Variants in ADAMTSL1 observed in about 807,000 individuals in gnomAD.
ADAMTSL1 encodes ADAMTS like 1.
A neutral mutation model predicts 201.8 loss-of-function variants in ADAMTSL1; 126 were observed. That is an observed-to-expected ratio of 0.62 (90% CI 0.54 to 0.72). ADAMTSL1 has a LOEUF of 0.72. ADAMTSL1 is among the 30% of genes least tolerant of loss of function. The pLI, the probability that ADAMTSL1 is intolerant of heterozygous loss-of-function variation, is 0.00. For missense variants in ADAMTSL1, 2,679 were observed against 2,277.8 expected (o/e 1.18, Z -3.59); for synonymous variants, 1,121 against 903.4 (o/e 1.24, Z -4.32).
At chr9:18,542,574 A>C (rs1347710748) in intron 3 of ADAMTSL1, among the ~76,000 whole-genome samples, 1 of 152,194 alleles carries the variant, frequency 6.6e-6, no homozygotes, top group Non-Finnish European at 1.5e-5. Context: ...CAGAGAGAAG[A>C]CATGTGAAGA....
intron 2 of ADAMTSL1, among the ~76,000 whole-genome samples, chr9:18,438,995 T>G (rs1819877916): frequency 6.6e-6 from 1 of 151,980 alleles, no homozygotes; most frequent in Non-Finnish European, 1.5e-5. Context: ...TGACAGGTTT[T>G]TTTTTTTTTC....
chr9:18,315,868 C>G (rs531936861), intron 2 of ADAMTSL1, among the ~76,000 whole-genome samples: 6 of 152,286 alleles, frequency 3.9e-5, no homozygotes, highest in Admixed American at 3.9e-4. Context: ...GGGCTGCTAG[C>G]ATGTTGTCAC....
At chr9:18,528,842 TATCATTTGTC>T in intron 2 of ADAMTSL1, among the ~76,000 whole-genome samples, 1 of 152,292 alleles carries the variant, frequency 6.6e-6, no homozygotes, top group South Asian at 2.1e-4. Flanking sequence ...AATCCTCTCT[TATCATTTGTC>T]TATAGCTTTT....
chr9:17,988,470 G>A (rs1261431584), intron 1 of ADAMTSL1, among the ~76,000 whole-genome samples: 2 of 151,862 alleles, frequency 1.3e-5, no homozygotes, highest in Non-Finnish European at 2.9e-5. Context: ...TTACACTGAT[G>A]TGAAAATCAC....
chr9:17,932,465 C>T (rs956113488), intron 1 of ADAMTSL1, among the ~76,000 whole-genome samples: 5 of 151,952 alleles, frequency 3.3e-5, no homozygotes, highest in Non-Finnish European at 7.4e-5. Context: ...GCTTTTTTGT[C>T]CTGGTTGCTT....
At chr9:18,412,734 T>C (rs1277667363) in intron 2 of ADAMTSL1, among the ~76,000 whole-genome samples, 1 of 152,208 alleles carries the variant, frequency 6.6e-6, no homozygotes, top group Non-Finnish European at 1.5e-5. Flanking sequence ...AAGCCCCTTC[T>C]CCATTTATTC....
intron 2 of ADAMTSL1, among the ~76,000 whole-genome samples, chr9:18,184,951 A>G (rs1016674332): frequency 1.3e-5 from 2 of 152,186 alleles, no homozygotes; most frequent in South Asian, 4.1e-4. Context: ...TGCATTTCAT[A>G]CTAAGCAGGT....
chr9:18,776,947 G>T lies in ADAMTSL1; in HGVS notation c.2718G>T (p.Lys906Asn). ...VLRCPARRVR[K>N]PLITWEKDGQ... ...GCTGCCCGGCGCGCAGGGTCCGCAA[G>T]CCCCTCATCACCTGGGAGAAGGACG... Residue 906 changes from lysine (K) to asparagine (N), a missense_variant, in exon 19 of 29, where the codon AAG becomes AAT. Coordinates refer to ENST00000380548, the MANE Select transcript of ADAMTSL1 (RefSeq NM_001040272.6). The T allele has an allele frequency of 6.2e-7, 1 of 1,600,502 alleles. No individual in the cohort carries two copies. Among genetic ancestry groups the T allele is most frequent in the Non-Finnish European group, 8.5e-7 (1 of 1,172,866 alleles).
chr9:18,187,798 C>T (rs952384740), intron 2 of ADAMTSL1, among the ~76,000 whole-genome samples: 4 of 152,022 alleles, frequency 2.6e-5, no homozygotes, highest in African/African-American at 7.2e-5. Flanking sequence ...TCTTACAGTT[C>T]ACTTGGACTT....
intron 1 of ADAMTSL1, among the ~76,000 whole-genome samples, chr9:17,974,723 T>C (rs1818368535): frequency 1.3e-5 from 2 of 152,088 alleles, no homozygotes; most frequent in Non-Finnish European, 2.9e-5. Flanking sequence ...CGAGTAATGT[T>C]TCATGATATA....
intron 21 of ADAMTSL1, among the ~76,000 whole-genome samples, chr9:18,818,650 A>G (rs186660757): frequency 6.6e-6 from 1 of 152,140 alleles, no homozygotes; most frequent in Admixed American, 6.5e-5. Flanking sequence ...AAAATTAGCC[A>G]TGTGTGGTGA....
intron 2 of ADAMTSL1, among the ~76,000 whole-genome samples, chr9:18,401,634 GC>G (rs1817988524): frequency 6.6e-6 from 1 of 152,196 alleles, no homozygotes; most frequent in African/African-American, 2.4e-5. Context: ...GTTAATGGTT[GC>G]GAGAACACAT....
At chr9:18,729,092 G>T (rs1453248482) in intron 15 of ADAMTSL1, among the ~76,000 whole-genome samples, 1 of 152,110 alleles carries the variant, frequency 6.6e-6, no homozygotes, top group South Asian at 2.1e-4. Context: ...CCTATCCCAG[G>T]TATGTTCACA....
At chr9:18,439,109 G>A (rs1385480012) in intron 2 of ADAMTSL1, among the ~76,000 whole-genome samples, 1 of 152,004 alleles carries the variant, frequency 6.6e-6, no homozygotes, top group Non-Finnish European at 1.5e-5. Context: ...TACGGAACAT[G>A]GTGTCGTCTT....
intron 1 of ADAMTSL1, among the ~76,000 whole-genome samples, chr9:18,028,935 A>C (rs1430083370): frequency 3.9e-5 from 6 of 152,094 alleles, no homozygotes; most frequent in South Asian, 4.1e-4. Context: ...CTTTGATTTC[A>C]TTGAGCAGTG....
intron 2 of ADAMTSL1, among the ~76,000 whole-genome samples, chr9:18,392,133 T>C (rs994895036): frequency 6.6e-6 from 1 of 152,118 alleles, no homozygotes; most frequent in Non-Finnish European, 1.5e-5. Context: ...CCTGAATCAA[T>C]TACTTTCTAG....
chr9:18,267,762 T>TAAAAAAAAAAAAAA (rs72030473), intron 2 of ADAMTSL1, among the ~76,000 whole-genome samples: 34 of 125,234 alleles, frequency 2.7e-4, no homozygotes, highest in South Asian at 1.0e-3. Flanking sequence ...CAAAGGCTAT[T>TAAAAAAAAAAAAAA]AAAAAAAAAA....
intron 8 of ADAMTSL1, among the ~76,000 whole-genome samples, chr9:18,659,707 C>T (rs1828942823): frequency 1.3e-5 from 2 of 152,126 alleles, no homozygotes; most frequent in African/African-American, 2.4e-5. Context: ...GCAGAGGTTG[C>T]AGTGAGCCAA....
intron 2 of ADAMTSL1, among the ~76,000 whole-genome samples, chr9:18,301,579 A>G (rs1483354548): frequency 6.6e-6 from 1 of 152,224 alleles, no homozygotes; most frequent in Non-Finnish European, 1.5e-5. Context: ...ACAATACACT[A>G]TAATAAAAGT....
Sources: gnomAD v4.1 joint callset for allele counts (sites outside exome capture counted in the v4.1 genomes callset) on GRCh38, gnomAD v4.1.1 for gene constraint, MANE v1.5 for transcripts, NCBI Gene and HGNC (gene_info 2026-07-23, HGNC 2026-07-21) for gene names.